AFAP1L2: variants seen among roughly 807,000 people sequenced by gnomAD.
The protein encoded by AFAP1L2 is actin filament-associated protein 1-like 2.
A neutral mutation model predicts 99.3 loss-of-function variants in AFAP1L2; 46 were observed. The observed-to-expected ratio is 0.46, with a 90% CI of 0.37 to 0.59. AFAP1L2 has a LOEUF of 0.59. Among genes scored for constraint, AFAP1L2 ranks in the 20% least tolerant of loss-of-function variants. The pLI is 0.00. For synonymous variants in AFAP1L2, 397 were observed against 419.1 expected (o/e 0.95, Z 0.64); for missense variants, 959 against 1,034.9 (o/e 0.93, Z 1.01).
At chr10:114,286,625 C>G in the AFAP1L2 span, 2 of 867,840 alleles carry the variant, frequency 2.3e-6, no homozygotes, top group Non-Finnish European at 1.7e-6. Context: ...GCTGAAACCA[C>G]AGCCCCACTC....
At chr10:114,315,791 G>A (rs1169244828) in intron 5 of AFAP1L2, 26 bp from the exon 6 acceptor site, 1 of 1,588,606 alleles carries the variant, frequency 6.3e-7, no homozygotes, top group Non-Finnish European at 8.6e-7. Flanking sequence ...GCTCGGTCAG[G>A]GCCCCATGGG....
intron 1 of AFAP1L2, among the ~76,000 whole-genome samples, chr10:114,390,455 G>C (rs2137912475): frequency 6.6e-6 from 1 of 152,294 alleles, no homozygotes; most frequent in Middle Eastern, 3.4e-3. Context: ...GGCTGCGGTG[G>C]CTCACGCCTG....
chr10:114,385,943 C>T (rs1051604069), intron 1 of AFAP1L2, among the ~76,000 whole-genome samples: 2 of 152,124 alleles, frequency 1.3e-5, no homozygotes, highest in Admixed American at 6.5e-5. Context: ...CCCGCCCCCC[C>T]TCAGGAGTCC....
chr10:114,402,510 G>A (rs1034453596), intron 1 of AFAP1L2, among the ~76,000 whole-genome samples: 2 of 152,084 alleles, frequency 1.3e-5, no homozygotes, highest in South Asian at 4.2e-4. Flanking sequence ...TAATTCTCAG[G>A]TTTACCCACT....
At chr10:114,291,945 T>C (rs2039641285), downstream of AFAP1L2, among the ~76,000 whole-genome samples, 2 of 152,170 alleles carry the variant, frequency 1.3e-5, no homozygotes, top group Non-Finnish European at 2.9e-5. Context: ...AAAATCGTTC[T>C]GAGTCGTGAG....
At chr10:114,301,811 A>C in intron 12 of AFAP1L2, 4 of 333,976 alleles carry the variant, frequency 1.2e-5, no homozygotes, top group African/African-American at 4.2e-5. Flanking sequence ...CATCTTCACA[A>C]TACACTTGGG....
At chr10:114,286,223 C>T in the AFAP1L2 span, 22 of 1,613,542 alleles carry the variant, frequency 1.4e-5, no homozygotes, top group East Asian at 4.9e-4. Flanking sequence ...TGCCTTGCGG[C>T]AGGCGGCAGA....
In AFAP1L2 at chr10:114,295,062, G is replaced by A. The variant is rs2039990301; in HGVS notation, c.*980C>T. Reference sequence around the variant, plus strand: ...GCCATCAGAGGAAAAGACAGGGGCAGCACAAGGAACAGCACTGCCAATTTT... The same window carrying A: ...GCCATCAGAGGAAAAGACAGGGGCAACACAAGGAACAGCACTGCCAATTTT... On this transcript the variant is annotated 3_prime_UTR_variant, in exon 19 of 19. Transcript: ENST00000304129. The A allele has an allele frequency of 1.0e-6, 1 of 982,476 alleles. No homozygotes were observed. The highest frequency in any genetic ancestry group is 1.2e-6 in the Non-Finnish European group (1 of 829,308). 60.9% of individuals were successfully genotyped at this position (982,476 alleles called of 1,614,324 possible). A position where few individuals can be genotyped will look rare whatever the true frequency, so the allele number is the denominator to read the frequency against.
At chr10:114,374,382 G>C (rs531811489) in intron 1 of AFAP1L2, among the ~76,000 whole-genome samples, 15 of 152,312 alleles carry the variant, frequency 9.8e-5, no homozygotes, top group Non-Finnish European at 2.2e-4. Flanking sequence ...CATAATGCCA[G>C]GGGCAACAGG....
intron 1 of AFAP1L2, among the ~76,000 whole-genome samples, chr10:114,358,124 T>C (rs371743748): frequency 1.4e-4 from 22 of 152,336 alleles, no homozygotes; most frequent in East Asian, 9.6e-4. Context: ...TGTTTTCTGT[T>C]GTTCTGAATA....
In AFAP1L2 at chr10:114,340,754, A is replaced by C. The variant is rs1590323484; in HGVS notation, c.17-23T>G. ...GGGCTAGGGACAGGAAACAGAAGAA[A>C]CTTATAGTGGCTGCCCGCTCTCCAA... On this transcript the variant is annotated intron_variant, in intron 1 of 18. Coordinates refer to ENST00000304129, the MANE Select transcript of AFAP1L2 (RefSeq NM_001001936.3). The C allele has an allele frequency of 6.2e-6, 10 of 1,614,016 alleles. No homozygotes were observed. The East Asian group carries it at 2.2e-4, about 36-fold the overall frequency.
At chr10:114,287,689 T>A in the AFAP1L2 span, among the ~76,000 whole-genome samples, 126 of 152,264 alleles carry the variant, frequency 8.3e-4, no homozygotes, top group African/African-American at 2.8e-3. Flanking sequence ...TTGGTTGGAT[T>A]TTTTAAAAAA....
chr10:114,384,048 G>GGACA (rs1193528446), intron 1 of AFAP1L2, among the ~76,000 whole-genome samples: 7 of 152,112 alleles, frequency 4.6e-5, no homozygotes, highest in Admixed American at 2.0e-4. Flanking sequence ...GACAAAGGAT[G>GGACA]CAACAACATG....
intron 1 of AFAP1L2, among the ~76,000 whole-genome samples, chr10:114,403,001 C>G (rs533040713): frequency 6.6e-6 from 1 of 152,214 alleles, no homozygotes; most frequent in African/African-American, 2.4e-5. Context: ...GGAGTGCAAA[C>G]GGCCATGTTA....
chr10:114,397,049 C>T (rs192559559), intron 1 of AFAP1L2, among the ~76,000 whole-genome samples: 58 of 152,222 alleles, frequency 3.8e-4, no homozygotes, highest in African/African-American at 1.3e-3. Flanking sequence ...CTTGAACCTT[C>T]ATCTTATACC....
intron 1 of AFAP1L2, among the ~76,000 whole-genome samples, chr10:114,352,588 T>C (rs1050832192): frequency 6.6e-6 from 1 of 151,388 alleles, no homozygotes; most frequent in African/African-American, 2.4e-5. Context: ...GGAATTTGGG[T>C]TAAACCCTTG....
chr10:114,344,068 C>A (rs1012050507), intron 1 of AFAP1L2, among the ~76,000 whole-genome samples: 1 of 152,188 alleles, frequency 6.6e-6, no homozygotes, highest in African/African-American at 2.4e-5. Flanking sequence ...TAAATGAGAG[C>A]CCTGATGGTC....
chr10:114,341,041 C>T (rs181993542), intron 1 of AFAP1L2, among the ~76,000 whole-genome samples: 2 of 152,360 alleles, frequency 1.3e-5, no homozygotes, highest in East Asian at 3.9e-4. Context: ...CCACTGCAAA[C>T]GCCTGCCCTC....
rs182852879 is a variant in AFAP1L2, at chr10:114,383,860, A to G, written c.16+20580T>C. On this transcript the variant is annotated intron_variant, in intron 1 of 18. Coordinates refer to ENST00000304129, the MANE Select transcript of AFAP1L2 (RefSeq NM_001001936.3). ...GTGGAAGTGGGGATTGCCAACACGT[A>G]GCCCGCAGGCTGACAGAGGCTCTCC... Among the ~76,000 whole-genome samples, 12 of 152,296 alleles carry G rather than the reference A, an allele frequency of 7.9e-5. 1 individual carries two copies. The East Asian group carries it at 2.1e-3, about 27-fold the overall frequency.
Sources: gnomAD v4.1 joint callset for allele counts (sites outside exome capture counted in the v4.1 genomes callset) on GRCh38, gnomAD v4.1.1 for gene constraint, MANE v1.5 for transcripts, NCBI Gene and HGNC (gene_info 2026-07-23, HGNC 2026-07-21) for gene names.